Variants in JAK1 observed in about 807,000 individuals in gnomAD.
JAK1 encodes the protein Janus kinase 1.
JAK1 carries 16 observed loss-of-function variants against 136.6 expected under a neutral mutation model. That is an observed-to-expected ratio of 0.12 (90% CI 0.08 to 0.18). JAK1 has a LOEUF of 0.18. Ranked by LOEUF, JAK1 falls within the 10% of genes least tolerant of loss-of-function variation. The pLI is 1.00. For synonymous variants in JAK1, 492 were observed against 519.5 expected (o/e 0.95, Z 0.72); for missense variants, 859 against 1,450.1 (o/e 0.59, Z 6.62).
intron 1 of JAK1, among the ~76,000 whole-genome samples, chr1:64,925,501 T>G (rs1645569001): frequency 6.6e-6 from 1 of 152,160 alleles, no homozygotes; most frequent in South Asian, 2.1e-4. Flanking sequence ...CATGGCCTGA[T>G]GTCCCACAGA....
At chr1:64,927,179 A>G (rs1645597113) in intron 1 of JAK1, among the ~76,000 whole-genome samples, 1 of 152,118 alleles carries the variant, frequency 6.6e-6, no homozygotes, top group Admixed American at 6.5e-5. Flanking sequence ...CTATTAAGAA[A>G]GAGCTCTGTC....
chr1:65,000,063 T>A (rs1160272492), intron 2 of JAK1, among the ~76,000 whole-genome samples: 7 of 150,776 alleles, frequency 4.6e-5, no homozygotes, highest in Non-Finnish European at 1.0e-4. Context: ...CGATCTTGGG[T>A]CACTGCAACC....
chr1:65,054,187 ATTC>A (rs1647420927), intron 1 of JAK1, among the ~76,000 whole-genome samples: 2 of 152,112 alleles, frequency 1.3e-5, no homozygotes, highest in South Asian at 2.1e-4. Flanking sequence ...CAATTATTAT[ATTC>A]TTATTATCAA....
At chr1:64,861,317 G>T (rs1656323986) in intron 8 of JAK1, among the ~76,000 whole-genome samples, 1 of 152,130 alleles carries the variant, frequency 6.6e-6, no homozygotes, top group Non-Finnish European at 1.5e-5. Context: ...CTGAGAGTTG[G>T]AGAGAGCAGA....
chr1:64,851,241 T>C (rs942393619), intron 11 of JAK1, among the ~76,000 whole-genome samples: 9 of 152,206 alleles, frequency 5.9e-5, no homozygotes, highest in African/African-American at 1.2e-4. Flanking sequence ...GAAATTAAAA[T>C]TTAAAATGTA....
At chr1:65,043,941 C>T (rs566400379) in intron 2 of JAK1, among the ~76,000 whole-genome samples, 10 of 152,106 alleles carry the variant, frequency 6.6e-5, no homozygotes, top group Non-Finnish European at 5.9e-5. Context: ...AGGCTGGTCT[C>T]GAACTCCTGA....
chr1:64,985,176 A>G, intron 2 of JAK1: 2 of 1,449,508 alleles, frequency 1.4e-6, no homozygotes, highest in East Asian at 4.5e-5. Context: ...ACCAATGGTG[A>G]CACAGATGGG....
intron 1 of JAK1, among the ~76,000 whole-genome samples, chr1:64,897,037 C>G (rs1645024182): frequency 1.3e-5 from 2 of 152,100 alleles, no homozygotes; most frequent in South Asian, 4.1e-4. Context: ...TGCAATACTA[C>G]TACTATCACT....
At chr1:65,031,155 C>CAAA (rs375856684) in intron 2 of JAK1, among the ~76,000 whole-genome samples, 8 of 68,238 alleles carry the variant, frequency 1.2e-4, no homozygotes, top group Non-Finnish European at 1.5e-4. Context: ...GACCCTATCT[C>CAAA]AAAAAAAAAA....
intron 1 of JAK1, among the ~76,000 whole-genome samples, chr1:64,934,115 G>T (rs1645745588): frequency 7.1e-6 from 1 of 141,492 alleles, no homozygotes; most frequent in Admixed American, 7.7e-5. Flanking sequence ...GGTATCTTAG[G>T]AAGCTGGAAA....
At chr1:64,964,540 T>C (rs1646338960) in intron 1 of JAK1, among the ~76,000 whole-genome samples, 1 of 152,238 alleles carries the variant, frequency 6.6e-6, no homozygotes, top group Admixed American at 6.5e-5. Context: ...CTATATCTAA[T>C]TTATGCATTC....
chr1:65,022,412 A>G (rs369959570), intron 2 of JAK1, among the ~76,000 whole-genome samples: 1 of 152,256 alleles, frequency 6.6e-6, no homozygotes, highest in African/African-American at 2.4e-5. Flanking sequence ...CAGTGCACCC[A>G]TAGGGATTGG....
intron 2 of JAK1, among the ~76,000 whole-genome samples, chr1:64,986,370 G>T (rs759385457): frequency 1.3e-5 from 2 of 152,120 alleles, no homozygotes; most frequent in Non-Finnish European, 2.9e-5. Flanking sequence ...GCCTCCCAAA[G>T]TGCTGGGATT....
rs111273513 is a variant in JAK1, at chr1:64,885,327, C to T, written c.6+932G>A. The stretch of plus-strand genomic sequence containing the variant: ...AGCCTGCTTCATAATGTAAGATAAA[C>T]CTTTGTCCTTGAGAGTCTTTATAGA... On this transcript the variant is annotated intron_variant, in intron 2 of 24. Coordinates refer to ENST00000342505, the MANE Select transcript of JAK1 (RefSeq NM_002227.4). 5.4e-3 allele frequency among the ~76,000 whole-genome samples: 822 copies of T among 152,324 alleles called. 4 individuals are homozygous for T. Among genetic ancestry groups the T allele is most frequent in the Non-Finnish European group, 1.0e-2 (677 of 68,026 alleles).
At chr1:64,906,923 C>T (rs1018812924) in intron 1 of JAK1, among the ~76,000 whole-genome samples, 2 of 150,848 alleles carry the variant, frequency 1.3e-5, no homozygotes, top group African/African-American at 2.4e-5. Flanking sequence ...TTTCTTTTTC[C>T]TTTTACCACT....
At chr1:64,979,174 T>C (rs1341462275) in intron 2 of JAK1, among the ~76,000 whole-genome samples, 3 of 152,140 alleles carry the variant, frequency 2.0e-5, no homozygotes, top group Non-Finnish European at 4.4e-5. Context: ...GGCAGGAGGA[T>C]CACTTGAGGA....
chr1:64,979,669 C>T (rs1353727820), intron 2 of JAK1: 1 of 152,188 alleles, frequency 6.6e-6, no homozygotes, highest in Non-Finnish European at 1.5e-5. Flanking sequence ...GGGTACTATA[C>T]TAGGCCCTTG....
chr1:64,883,254 C>T (rs759387642), intron 3 of JAK1, 23 bp downstream of exon 3: 15 of 1,596,832 alleles, frequency 9.4e-6, no homozygotes, highest in Admixed American at 1.7e-5. Context: ...AACCCCCAGC[C>T]CTGGGCAGCT....
At chr1:65,025,889 G>A (rs1280690069) in intron 2 of JAK1, among the ~76,000 whole-genome samples, 1 of 151,970 alleles carries the variant, frequency 6.6e-6, no homozygotes, top group Non-Finnish European at 1.5e-5. Flanking sequence ...ATGTTGCCCA[G>A]GCTACTCTTG....
Sources: gnomAD v4.1 joint callset for allele counts (sites outside exome capture counted in the v4.1 genomes callset) on GRCh38, gnomAD v4.1.1 for gene constraint, MANE v1.5 for transcripts, NCBI Gene and HGNC (gene_info 2026-07-23, HGNC 2026-07-21) for gene names.